The following IMPACT variants were observed in gnomAD, a reference collection of about 807,000 sequenced individuals.
IMPACT encodes protein IMPACT.
A neutral mutation model predicts 47.5 loss-of-function variants in IMPACT; 35 were observed. That is an observed-to-expected ratio of 0.74 (90% CI 0.56 to 0.98). The LOEUF is 0.98. Among genes scored for constraint, IMPACT ranks in the 50% least tolerant of loss-of-function variants. IMPACT has a pLI of 0.00. For synonymous variants in IMPACT, 118 were observed against 125.6 expected (o/e 0.94, Z 0.40); for missense variants, 373 against 394.8 (o/e 0.94, Z 0.47).
Position 24,449,749 on chromosome 18 carries a change from TCTC to T in IMPACT, c.760-67_760-65del, listed in dbSNP as rs1909331422. ...CAATTTTATACATGGGTTATTTCATTCTCCTTTTTTAAAACTCATATTTATACA... is the reference window on the plus strand; with the variant it reads ...CAATTTTATACATGGGTTATTTCATTCTTTTTTAAAACTCATATTTATACA... On this transcript the variant is annotated intron_variant, in intron 9 of 10. Transcript: ENST00000284202. The T allele has an allele frequency of 5.7e-6, 8 of 1,407,686 alleles. No individual in the cohort carries two copies. The South Asian group carries it at 9.5e-5, about 17-fold the overall frequency. 87.2% of individuals were successfully genotyped at this position (1,407,686 alleles called of 1,614,324 possible).
chr18:24,450,243 C>A (rs1037491686), intron 10 of IMPACT, among the ~76,000 whole-genome samples: 7 of 152,134 alleles, frequency 4.6e-5, no homozygotes, highest in African/African-American at 1.7e-4. Flanking sequence ...CCTTTTAAGA[C>A]CAACTAGGTT....
At chr18:24,439,606 C>G (rs1909043181) in intron 5 of IMPACT, 1 of 145,096 alleles carries the variant, frequency 6.9e-6, no homozygotes, top group Non-Finnish European at 1.5e-5. Context: ...CACTGCACTC[C>G]AGCCTGGGCG....
Position 24,426,805 on chromosome 18 carries a change from C to T in IMPACT, c.36+13C>T. ...CGACCAGAGGCAGGTGAGGCCCCGG[C>T]GGGGTGCTGTCTCTCCAGGCTCGGC... On this transcript the variant is annotated intron_variant, in intron 1 of 10. Coordinates refer to ENST00000284202, the MANE Select transcript of IMPACT (RefSeq NM_018439.4). The T allele has an allele frequency of 6.5e-6, 8 of 1,237,892 alleles. No homozygotes were observed. Among genetic ancestry groups the T allele is most frequent in the South Asian group, 4.1e-5 (1 of 24,610 alleles). 76.7% of individuals were successfully genotyped at this position (1,237,892 alleles called of 1,614,324 possible).
At chr18:24,446,864 C>T (rs915887459) in intron 8 of IMPACT, among the ~76,000 whole-genome samples, 3 of 152,164 alleles carry the variant, frequency 2.0e-5, no homozygotes, top group Admixed American at 6.5e-5. Context: ...ATTTATTCTA[C>T]ATGTTTTTTG....
chr18:24,442,973 C>CT, intron 6 of IMPACT, 76 bp from the exon 7 acceptor site: 1 of 683,742 alleles, frequency 1.5e-6, no homozygotes, highest in Non-Finnish European at 2.6e-6. Flanking sequence ...TCTTTCCCAG[C>CT]TGCCCCCCCA....
In IMPACT at chr18:24,452,951, T is replaced by A. The variant is rs1393681822; in HGVS notation, c.*2104T>A. 2 of 152,236 alleles carry A rather than the reference T, an allele frequency of 1.3e-5. No individual in the cohort carries two copies. The highest frequency in any genetic ancestry group is 4.1e-4 in the South Asian group (2 of 4,820). The allele number at this position is 152,236 out of a possible 1,614,324, so 9.4% of individuals were successfully genotyped here. ...ATTACACCTGGCTAATTTTTAAAGT[T>A]TTTTTTGTAAAGATAGGGTCTTTCT... On this transcript the variant is annotated 3_prime_UTR_variant, in exon 11 of 11. Coordinates refer to ENST00000284202, the MANE Select transcript of IMPACT (RefSeq NM_018439.4).
At position 24,448,175 on chromosome 18, in the gene IMPACT, C is replaced by G; in HGVS notation, c.751C>G (p.Leu251Val). The G allele has an allele frequency of 6.2e-7, 1 of 1,610,600 alleles. No individual in the cohort carries two copies. Among genetic ancestry groups the G allele is most frequent in the South Asian group, 1.1e-5 (1 of 90,990 alleles). ...AGCAGCTGGTGGGCGTCTTCTTCAT[C>G]TCATGGAGGTAGGTGTAAGTTAAAC... ...ETAAGGRLLH[L>V]MEILNVKNVM... Residue 251 changes from leucine (L) to valine (V), a missense_variant, in exon 9 of 11, where the codon CTC (leucine) becomes GTC (valine). Leu to Val is a conservative substitution (Grantham distance 32). Coordinates refer to ENST00000284202, the MANE Select transcript of IMPACT (RefSeq NM_018439.4).
intron 5 of IMPACT, among the ~76,000 whole-genome samples, chr18:24,438,403 A>C (rs1008097427): frequency 6.6e-6 from 1 of 152,202 alleles, no homozygotes; most frequent in Non-Finnish European, 1.5e-5. Flanking sequence ...GGGCTGTCCC[A>C]TTCTGTCTAG....
chr18:24,433,348 C>T (rs1469448769), intron 4 of IMPACT, among the ~76,000 whole-genome samples: 60 of 148,388 alleles, frequency 4.0e-4, no homozygotes, highest in African/African-American at 1.2e-3. Context: ...TACAGGCGCC[C>T]GCCACCGCGC....
chr18:24,448,301 G>T, intron 9 of IMPACT, 118 bp downstream of exon 9: 1 of 551,662 alleles, frequency 1.8e-6, no homozygotes, highest in South Asian at 3.5e-5. Context: ...AGATATATTT[G>T]ATTTAATTAG....
intron 5 of IMPACT, among the ~76,000 whole-genome samples, chr18:24,439,002 G>T (rs1909021116): frequency 6.6e-6 from 1 of 152,112 alleles, no homozygotes; most frequent in East Asian, 1.9e-4. Context: ...TGCAGGATAG[G>T]CTGGCAGGCT....
chr18:24,438,553 C>T (rs913522769), intron 5 of IMPACT, among the ~76,000 whole-genome samples: 1 of 152,056 alleles, frequency 6.6e-6, no homozygotes, highest in East Asian at 1.9e-4. Flanking sequence ...TGTAGAATGC[C>T]CCTCAATTTG....
At chr18:24,436,312 A>G (rs896577119) in intron 4 of IMPACT, among the ~76,000 whole-genome samples, 1 of 148,348 alleles carries the variant, frequency 6.7e-6, no homozygotes, top group African/African-American at 2.5e-5. Context: ...TGGTGCAATC[A>G]TAGCTCACTT....
chr18:24,434,474 A>G (rs1354193195), intron 4 of IMPACT, among the ~76,000 whole-genome samples: 1 of 152,122 alleles, frequency 6.6e-6, no homozygotes, highest in Non-Finnish European at 1.5e-5. Context: ...AGTTAAAGAA[A>G]TACTTAAAAA....
chr18:24,440,335 T>G (rs1568087999), intron 5 of IMPACT, among the ~76,000 whole-genome samples, 161 bp from the exon 6 acceptor site: 1 of 152,194 alleles, frequency 6.6e-6, no homozygotes, highest in Non-Finnish European at 1.5e-5. Flanking sequence ...ATCTTGTAGT[T>G]TCCTTGCTCC....
intron 6 of IMPACT, among the ~76,000 whole-genome samples, chr18:24,442,302 C>T (rs555273427): frequency 5.9e-5 from 9 of 152,088 alleles, no homozygotes; most frequent in African/African-American, 9.6e-5. Flanking sequence ...TACAGGCACA[C>T]GCCACCATGC....
At chr18:24,444,743 A>T (rs1471786600) in intron 7 of IMPACT, among the ~76,000 whole-genome samples, 1 of 152,248 alleles carries the variant, frequency 6.6e-6, no homozygotes, top group Non-Finnish European at 1.5e-5. Flanking sequence ...TCAGGTAAAC[A>T]TTATTGCATG....
chr18:24,427,276 G>A (rs986031181), intron 1 of IMPACT: 1 of 158,048 alleles, frequency 6.3e-6, no homozygotes, highest in Non-Finnish European at 1.4e-5. Flanking sequence ...TTCCTACAGG[G>A]CTGTGAGTAC....
At position 24,450,891 on chromosome 18, in the gene IMPACT, T is replaced by C. The variant is rs766468678; in HGVS notation, c.*44T>C. On this transcript the variant is annotated 3_prime_UTR_variant, in exon 11 of 11. Coordinates refer to ENST00000284202, the MANE Select transcript of IMPACT (RefSeq NM_018439.4). ...AGGTTAATTTGCCTATAATTATATA[T>C]ACATTCCATAGTCATCAAGGAATAT... 1 of 1,139,954 alleles carries C rather than the reference T, an allele frequency of 8.8e-7. No homozygotes were observed. The highest frequency in any genetic ancestry group is 1.3e-6 in the Non-Finnish European group (1 of 759,180). 70.6% of individuals were successfully genotyped at this position (1,139,954 alleles called of 1,614,324 possible). A position where few individuals can be genotyped will look rare whatever the true frequency, so the allele number is the denominator to read the frequency against.
Sources: allele counts gnomAD v4.1 joint callset (sites outside exome capture counted in the v4.1 genomes callset), GRCh38; gene constraint gnomAD v4.1.1; transcripts MANE v1.5; gene names NCBI Gene and HGNC (gene_info 2026-07-23, HGNC 2026-07-21).